Variants in NR3C2 observed in about 807,000 individuals in gnomAD.
The protein encoded by NR3C2 is mineralocorticoid receptor.
NR3C2 carries 15 observed loss-of-function variants against 86.4 expected under a neutral mutation model. The observed-to-expected ratio is 0.17, with a 90% CI of 0.12 to 0.27. The LOEUF is 0.27. Among genes scored for constraint, NR3C2 ranks in the 10% least tolerant of loss-of-function variants. The pLI is 1.00. For missense variants in NR3C2, 960 were observed against 1,195.6 expected (o/e 0.80, Z 2.91); for synonymous variants, 458 against 450.5 (o/e 1.02, Z -0.21).
chr4:148,230,218 G>A (rs1253535563), intron 3 of NR3C2, among the ~76,000 whole-genome samples: 1 of 152,188 alleles, frequency 6.6e-6, no homozygotes, highest in East Asian at 1.9e-4. Context: ...TTTAGAGACA[G>A]CGTCTTGCTC....
intron 2 of NR3C2, among the ~76,000 whole-genome samples, chr4:148,367,058 T>G (rs190797415): frequency 1.3e-5 from 2 of 152,202 alleles, no homozygotes; most frequent in Admixed American, 1.3e-4. Flanking sequence ...TTACACTCTA[T>G]AAACCCAGAA....
intron 1 of NR3C2, among the ~76,000 whole-genome samples, chr4:148,438,808 T>C (rs80240853): frequency 6.6e-6 from 1 of 150,432 alleles, no homozygotes; most frequent in South Asian, 2.1e-4. Context: ...TCTGTGTTTT[T>C]ACACTAGAGT....
At chr4:148,342,194 A>G (rs906613558) in intron 2 of NR3C2, among the ~76,000 whole-genome samples, 5 of 152,134 alleles carry the variant, frequency 3.3e-5, no homozygotes, top group African/African-American at 1.2e-4. Context: ...GAAGGGTCAC[A>G]TCGCCAGAGC....
At chr4:148,442,053 T>G (rs1357880262) in intron 1 of NR3C2, 107 bp downstream of exon 1, 1 of 152,348 alleles carries the variant, frequency 6.6e-6, no homozygotes, top group Non-Finnish European at 1.5e-5. Flanking sequence ...CCATACTGAC[T>G]GTGCCTCCGG....
intron 8 of NR3C2, among the ~76,000 whole-genome samples, chr4:148,107,308 G>A (rs541712739): frequency 3.3e-5 from 5 of 152,144 alleles, no homozygotes; most frequent in Non-Finnish European, 7.4e-5. Context: ...ACCATCTCAC[G>A]CCAGTCAGAA....
intron 3 of NR3C2, among the ~76,000 whole-genome samples, chr4:148,210,146 C>A (rs1004963764): frequency 6.6e-6 from 1 of 151,858 alleles, no homozygotes; most frequent in Non-Finnish European, 1.5e-5. Flanking sequence ...AGAAAGAGGC[C>A]GGTTTTGGTG....
At chr4:148,156,062 T>G (rs899313752) in intron 4 of NR3C2, among the ~76,000 whole-genome samples, 3 of 152,084 alleles carry the variant, frequency 2.0e-5, no homozygotes, top group Admixed American at 1.3e-4. Flanking sequence ...TAGCCATATG[T>G]AGAAAGCTGA....
At chr4:148,224,172 C>T (rs1170978995) in intron 3 of NR3C2, among the ~76,000 whole-genome samples, 1 of 151,348 alleles carries the variant, frequency 6.6e-6, no homozygotes, top group Non-Finnish European at 1.5e-5. Flanking sequence ...ACCAAACTAG[C>T]ATAGACAACA....
At chr4:148,153,729 A>G (rs1734213140) in intron 5 of NR3C2, among the ~76,000 whole-genome samples, 1 of 50,028 alleles carries the variant, frequency 2.0e-5, no homozygotes, top group Admixed American at 2.2e-4. Context: ...CCATGAAACA[A>G]AAAAAAATGA....
intron 5 of NR3C2, 56 bp from the exon 6 acceptor site, chr4:148,152,669 G>A: frequency 6.4e-7 from 1 of 1,571,114 alleles, no homozygotes; most frequent in South Asian, 1.1e-5. Flanking sequence ...GTACATTCCA[G>A]GAAGATGCTT....
intron 2 of NR3C2, among the ~76,000 whole-genome samples, chr4:148,301,130 C>A (rs1375559235): frequency 6.6e-6 from 1 of 151,984 alleles, no homozygotes; most frequent in Non-Finnish European, 1.5e-5. Flanking sequence ...GGCCAATAAT[C>A]CAATTAGGAG....
chr4:148,172,946 G>GGAAT (rs1735201627), intron 4 of NR3C2, among the ~76,000 whole-genome samples: 1 of 152,122 alleles, frequency 6.6e-6, no homozygotes, highest in South Asian at 2.1e-4. Flanking sequence ...TGTCTAAAAG[G>GGAAT]GAATGAAAGC....
intron 3 of NR3C2, among the ~76,000 whole-genome samples, chr4:148,204,875 C>A (rs1024810762): frequency 6.6e-6 from 1 of 152,094 alleles, no homozygotes; most frequent in African/African-American, 2.4e-5. Context: ...TCTAAATATA[C>A]CTCTAAACTC....
At chr4:148,178,932 T>TAAAAAAAAAAAAAAAAAAA (rs58576220) in intron 4 of NR3C2, among the ~76,000 whole-genome samples, 1 of 95,306 alleles carries the variant, frequency 1.0e-5, no homozygotes, top group African/African-American at 3.6e-5. Flanking sequence ...AAGAAGCAGG[T>TAAAAAAAAAAAAAAAAAAA]AAAAAAAAAA....
rs535969363 is a variant in NR3C2 at position 148,222,375 on chromosome 4, A to G, written c.1898-27513T>C. Reference sequence around the variant, plus strand: ...ACTCAAAAGCCTATTGATTTAATAAATGAGTTCAAAGCCCGCATTAGCCAA... The same window carrying G: ...ACTCAAAAGCCTATTGATTTAATAAGTGAGTTCAAAGCCCGCATTAGCCAA... On this transcript the variant is annotated intron_variant, in intron 3 of 8. Coordinates refer to ENST00000358102, the MANE Select transcript of NR3C2 (RefSeq NM_000901.5). Among the ~76,000 whole-genome samples, 4 of 152,342 alleles carry G rather than the reference A, an allele frequency of 2.6e-5. No individual in the cohort carries two copies. In the South Asian group the frequency reaches 8.3e-4, roughly 32 times the overall value.
At chr4:148,266,075 C>CT (rs71594256) in intron 2 of NR3C2, among the ~76,000 whole-genome samples, 78,251 of 134,812 alleles carry the variant, frequency 0.58, 23,097 homozygotes, top group East Asian at 0.85. Context: ...CAGAAGGCCG[C>CT]TTTTTTTTTT....
chr4:148,436,187 A>G lies in NR3C2; in HGVS notation c.674T>C (p.Val225Ala), dbSNP rs760332959. 5.6e-6 allele frequency: 9 copies of G among 1,614,166 alleles called. No homozygotes were observed. In the South Asian group the frequency reaches 9.9e-5, roughly 18 times the overall value. Residue 225 changes from valine to alanine, a missense_variant, in exon 2 of 9, where the codon GTG (valine) becomes GCG (alanine). Coordinates refer to ENST00000358102, the MANE Select transcript of NR3C2 (RefSeq NM_000901.5). ...AGTTCCCTGGGTGATTGGGCTGTGC[A>G]CTGGAAAACTGCCAAAGCTGGCTGT... ...STTASFGSFP[V>A]HSPITQGTPL...
At chr4:148,285,055 T>C (rs1158984371) in intron 2 of NR3C2, among the ~76,000 whole-genome samples, 1 of 152,152 alleles carries the variant, frequency 6.6e-6, no homozygotes, top group Admixed American at 6.5e-5. Context: ...TACAGCAACA[T>C]ATGGTTCACT....
intron 2 of NR3C2, among the ~76,000 whole-genome samples, chr4:148,337,170 T>C (rs1022794741): frequency 4.6e-5 from 7 of 152,104 alleles, no homozygotes; most frequent in African/African-American, 1.7e-4. Flanking sequence ...ATAACACACA[T>C]TGTTGTTGTT....
Sources: allele counts gnomAD v4.1 joint callset (sites outside exome capture counted in the v4.1 genomes callset), GRCh38; gene constraint gnomAD v4.1.1; transcripts MANE v1.5; gene names NCBI Gene and HGNC (gene_info 2026-07-23, HGNC 2026-07-21).